Variants in HPSE2 observed in about 807,000 individuals in gnomAD.
The protein encoded by HPSE2 is heparanase 2 (inactive).
Under a neutral mutation model 60.5 loss-of-function variants are expected in HPSE2, and 38 were observed. That is an observed-to-expected ratio of 0.63 (90% CI 0.48 to 0.82). The LOEUF (loss-of-function observed/expected upper bound fraction) is 0.82, where lower values mean the gene tolerates loss of function less well. HPSE2 is among the 40% of genes least tolerant of loss of function. HPSE2 has a pLI of 0.00. For missense variants in HPSE2, 713 were observed against 740.4 expected, an observed-to-expected ratio of 0.96 and a Z score of 0.43; for synonymous variants, 295 against 293.2, an observed-to-expected ratio of 1.01 and a Z score of -0.06.
At chr10:98,642,418 TAGTG>T (rs1001907723) in intron 6 of HPSE2, among the ~76,000 whole-genome samples, 9 of 152,296 alleles carry the variant, frequency 5.9e-5, no homozygotes, top group Non-Finnish European at 8.8e-5. Flanking sequence ...TGACTTAGTG[TAGTG>T]AGTGAGTCTC....
At chr10:99,091,053 C>A (rs1843494042) in intron 3 of HPSE2, among the ~76,000 whole-genome samples, 1 of 152,066 alleles carries the variant, frequency 6.6e-6, no homozygotes, top group African/African-American at 2.4e-5. Context: ...CTTAACTACA[C>A]ATTTAAAAAA....
chr10:99,246,445 A>G, the HPSE2 span, among the ~76,000 whole-genome samples: 1 of 152,258 alleles, frequency 6.6e-6, no homozygotes, highest in Admixed American at 6.5e-5. Flanking sequence ...ATAAGGGATT[A>G]TGACTTAAAA....
intron 2 of HPSE2, among the ~76,000 whole-genome samples, chr10:99,162,108 A>C (rs2133772746): frequency 6.6e-6 from 1 of 152,316 alleles, no homozygotes; most frequent in South Asian, 2.1e-4. Flanking sequence ...GATGGTGGCA[A>C]TGGTTTGTAA....
intron 3 of HPSE2, among the ~76,000 whole-genome samples, chr10:98,879,852 CGTGTGTGTGTGT>C (rs3043546): frequency 2.1e-5 from 3 of 145,782 alleles, no homozygotes; most frequent in South Asian, 2.2e-4. Context: ...TGTGCATGTG[CGTGTGTGTGTGT>C]GTGTGTGTGT....
intron 3 of HPSE2, among the ~76,000 whole-genome samples, chr10:99,136,303 C>T (rs1418652478): frequency 2.0e-5 from 3 of 152,102 alleles, no homozygotes; most frequent in African/African-American, 4.8e-5. Flanking sequence ...CCGAATTCTA[C>T]CAGAGGTACA....
chr10:98,686,985 C>T (rs1487971555), intron 6 of HPSE2, among the ~76,000 whole-genome samples: 1 of 152,104 alleles, frequency 6.6e-6, no homozygotes, highest in Non-Finnish European at 1.5e-5. Context: ...TTAATCTAGT[C>T]CTGTTAATTA....
chr10:99,267,451 T>A, the HPSE2 span, among the ~76,000 whole-genome samples: 3 of 151,806 alleles, frequency 2.0e-5, no homozygotes, highest in African/African-American at 4.8e-5. Flanking sequence ...AAATTTTTTT[T>A]AAATGAACAA....
intron 5 of HPSE2, among the ~76,000 whole-genome samples, chr10:98,697,918 T>TC (rs1161845465): frequency 9.9e-5 from 15 of 151,184 alleles, no homozygotes; most frequent in African/African-American, 3.4e-4. Context: ...GGTAAAGGGA[T>TC]CAATTCAACA....
At chr10:98,685,232 C>A (rs1947883043) in intron 6 of HPSE2, among the ~76,000 whole-genome samples, 1 of 152,190 alleles carries the variant, frequency 6.6e-6, no homozygotes, top group South Asian at 2.1e-4. Flanking sequence ...AGGCAAACCA[C>A]TAATCAGAGT....
At chr10:98,468,278 C>T (rs920271434) in intron 11 of HPSE2, among the ~76,000 whole-genome samples, 1 of 152,190 alleles carries the variant, frequency 6.6e-6, no homozygotes, top group Non-Finnish European at 1.5e-5. Flanking sequence ...AGGAAGGCTG[C>T]TCAGAAGTGG....
At chr10:98,888,593 T>C (rs532584927) in intron 3 of HPSE2, among the ~76,000 whole-genome samples, 1 of 152,242 alleles carries the variant, frequency 6.6e-6, no homozygotes. Context: ...TGTTTAGGGA[T>C]TGTATAAGTG....
At chr10:98,849,746 T>G (rs1952122337) in intron 3 of HPSE2, among the ~76,000 whole-genome samples, 1 of 152,056 alleles carries the variant, frequency 6.6e-6, no homozygotes, top group Non-Finnish European at 1.5e-5. Context: ...CTATTTAAGC[T>G]CCTCGATTTT....
At chr10:99,218,628 C>T (rs1849213469) in intron 2 of HPSE2, among the ~76,000 whole-genome samples, 1 of 152,138 alleles carries the variant, frequency 6.6e-6, no homozygotes, top group Non-Finnish European at 1.5e-5. Context: ...GACACAAAAA[C>T]CCCAAATGAA....
chr10:98,805,583 A>T (rs1165867249), intron 3 of HPSE2, among the ~76,000 whole-genome samples: 1 of 152,206 alleles, frequency 6.6e-6, no homozygotes, highest in Non-Finnish European at 1.5e-5. Context: ...AAATAAAGAG[A>T]TGGAAAATAG....
At chr10:99,227,699 T>G (rs1849515351) in intron 2 of HPSE2, among the ~76,000 whole-genome samples, 1 of 151,650 alleles carries the variant, frequency 6.6e-6, no homozygotes, top group South Asian at 2.1e-4. Context: ...GAAAATTTGC[T>G]GAAGATCTAC....
At chr10:98,923,998 G>A (rs1954369404) in intron 3 of HPSE2, among the ~76,000 whole-genome samples, 2 of 152,138 alleles carry the variant, frequency 1.3e-5, no homozygotes, top group African/African-American at 4.8e-5. Context: ...AAAGAGTTAT[G>A]TATTTATTGT....
chr10:99,148,787 CTCAA>C (rs10604979), intron 2 of HPSE2, among the ~76,000 whole-genome samples: 74,916 of 149,622 alleles, frequency 0.5, 20,576 homozygotes, highest in East Asian at 0.65. Context: ...CGAAACTCCA[CTCAA>C]TCAATCAATC....
At chr10:98,559,877 T>G (rs1416725448) in intron 9 of HPSE2, among the ~76,000 whole-genome samples, 1 of 152,114 alleles carries the variant, frequency 6.6e-6, no homozygotes, top group Non-Finnish European at 1.5e-5. Flanking sequence ...TGGCAGCTAT[T>G]TAGATTTGCA....
chr10:99,161,110 A>C (rs1369012101), intron 2 of HPSE2, among the ~76,000 whole-genome samples: 1 of 151,596 alleles, frequency 6.6e-6, no homozygotes, highest in Non-Finnish European at 1.5e-5. Context: ...AGTCCCAGCT[A>C]CTCAGGAAGC....
Sources: gnomAD v4.1 joint callset for allele counts (sites outside exome capture counted in the v4.1 genomes callset) on GRCh38, gnomAD v4.1.1 for gene constraint, MANE v1.5 for transcripts, NCBI Gene and HGNC (gene_info 2026-07-23, HGNC 2026-07-21) for gene names.